The following TRERF1 variants were observed in gnomAD, a reference collection of about 807,000 sequenced individuals.
TRERF1 encodes the protein transcriptional regulating factor 1, also known as transcriptional-regulating factor 1.
Under a neutral mutation model 122.9 loss-of-function variants are expected in TRERF1, and 27 were observed. That is an observed-to-expected ratio of 0.22 (90% CI 0.16 to 0.30). The LOEUF (loss-of-function observed/expected upper bound fraction) is 0.30, where lower values mean the gene tolerates loss of function less well. TRERF1 is among the 10% of genes least tolerant of loss of function. TRERF1 has a pLI of 1.00. For missense variants in TRERF1, 1,248 were observed against 1,560.3 expected, an observed-to-expected ratio of 0.80 and a Z score of 3.37; for synonymous variants, 636 against 641.7, an observed-to-expected ratio of 0.99 and a Z score of 0.13.
intron 3 of TRERF1, among the ~76,000 whole-genome samples, chr6:42,318,413 T>C (rs974134822): frequency 2.6e-5 from 4 of 152,146 alleles, no homozygotes; most frequent in African/African-American, 9.7e-5. Flanking sequence ...TTCTTTCTTT[T>C]CTACAGTCTT....
chr6:42,432,249 C>T (rs536821846), intron 2 of TRERF1, among the ~76,000 whole-genome samples: 2 of 152,184 alleles, frequency 1.3e-5, no homozygotes, highest in Non-Finnish European at 2.9e-5. Flanking sequence ...AATAAAAATA[C>T]TTTTTAAAAA....
At chr6:42,265,927 C>A in intron 5 of TRERF1, 130 bp from the exon 6 acceptor site, 1 of 930,068 alleles carries the variant, frequency 1.1e-6, no homozygotes, top group East Asian at 2.7e-5. Context: ...TTCGTGCTGA[C>A]CCCATTCATG....
exon 7 of TRERF1, chr6:42,264,725 C>T (rs755833286): frequency 6.2e-7 from 1 of 1,613,924 alleles, no homozygotes; most frequent in Non-Finnish European, 8.5e-7. Context: ...TGGGGGAGGC[C>T]CTCATTCCCC....
intron 13 of TRERF1, among the ~76,000 whole-genome samples, chr6:42,249,004 T>C (rs572354040): frequency 6.6e-6 from 1 of 152,294 alleles, no homozygotes; most frequent in African/African-American, 2.4e-5. Context: ...TGGTTCCTTT[T>C]AGGTATCCAC....
chr6:42,381,485 C>T (rs55693116), intron 2 of TRERF1, among the ~76,000 whole-genome samples: 1 of 151,990 alleles, frequency 6.6e-6, no homozygotes, highest in Non-Finnish European at 1.5e-5. Flanking sequence ...CTAACGACTT[C>T]CTAGTAAGGC....
chr6:42,448,636 C>T (rs766617477), intron 2 of TRERF1, among the ~76,000 whole-genome samples: 17 of 152,262 alleles, frequency 1.1e-4, no homozygotes, highest in Admixed American at 2.0e-4. Flanking sequence ...ATTTCAGAGC[C>T]GGAAGGGAAC....
intron 2 of TRERF1, among the ~76,000 whole-genome samples, chr6:42,390,891 C>A (rs1226665503): frequency 6.6e-6 from 1 of 152,172 alleles, no homozygotes; most frequent in African/African-American, 2.4e-5. Context: ...GCCGGCTCTG[C>A]AGGTTACTAG....
At chr6:42,427,839 C>T (rs1299433305) in intron 2 of TRERF1, among the ~76,000 whole-genome samples, 1 of 152,086 alleles carries the variant, frequency 6.6e-6, no homozygotes, top group African/African-American at 2.4e-5. Context: ...CATGAGCCAC[C>T]ACACCCAGCA....
chr6:42,346,713 T>C (rs1331503006), intron 3 of TRERF1, among the ~76,000 whole-genome samples: 1 of 152,144 alleles, frequency 6.6e-6, no homozygotes, highest in African/African-American at 2.4e-5. Flanking sequence ...AACTCAGGAC[T>C]TTCATACTAA....
intron 2 of TRERF1, among the ~76,000 whole-genome samples, chr6:42,439,731 G>A (rs1786142374): frequency 6.6e-6 from 1 of 152,170 alleles, no homozygotes; most frequent in Non-Finnish European, 1.5e-5. Context: ...CTTGTTCTTG[G>A]ACCGCCTGGC....
chr6:42,282,916 G>A (rs1284797627), intron 4 of TRERF1, among the ~76,000 whole-genome samples: 1 of 152,118 alleles, frequency 6.6e-6, no homozygotes, highest in Non-Finnish European at 1.5e-5. Flanking sequence ...ATATGTGTCT[G>A]CTTAAAGGAT....
chr6:42,377,123 C>G (rs1775031143), intron 2 of TRERF1, among the ~76,000 whole-genome samples: 1 of 152,146 alleles, frequency 6.6e-6, no homozygotes, highest in Admixed American at 6.5e-5. Context: ...GTCTCGGCCT[C>G]CCAAAGTGCT....
chr6:42,261,044 C>G (rs916417989), intron 8 of TRERF1, among the ~76,000 whole-genome samples: 1 of 151,986 alleles, frequency 6.6e-6, no homozygotes, highest in Non-Finnish European at 1.5e-5. Context: ...CCCCTATCCC[C>G]GCGCCTCACC....
At chr6:42,390,218 T>C (rs1312495187) in intron 2 of TRERF1, among the ~76,000 whole-genome samples, 1 of 152,176 alleles carries the variant, frequency 6.6e-6, no homozygotes, top group Admixed American at 6.5e-5. Flanking sequence ...TTTAAATAAC[T>C]TTCCCAGCCT....
chr6:42,368,657 C>T lies in TRERF1; in HGVS notation c.-453-5578G>A, dbSNP rs1316009150. Among the ~76,000 whole-genome samples the T allele has an allele frequency of 2.0e-5, 3 of 152,256 alleles. No homozygotes were observed. In the East Asian group the frequency reaches 5.8e-4, roughly 29 times the overall value. On this transcript the variant is annotated intron_variant, in intron 2 of 17. Transcript: ENST00000372922. The stretch of plus-strand genomic sequence containing the variant: ...ACAAATAGAGATGGCCCCAGGACTC[C>T]AGGCAGTAGTTTTTTCAAAATGAGG...
intron 2 of TRERF1, among the ~76,000 whole-genome samples, chr6:42,396,132 T>G (rs1042363128): frequency 1.3e-5 from 2 of 152,124 alleles, no homozygotes; most frequent in African/African-American, 4.8e-5. Context: ...CTCTAAGGAC[T>G]CCATCAGAAT....
intron 2 of TRERF1, among the ~76,000 whole-genome samples, chr6:42,380,498 C>T (rs1164305452): frequency 6.6e-6 from 1 of 152,238 alleles, no homozygotes; most frequent in Non-Finnish European, 1.5e-5. Context: ...CTCTGGACCT[C>T]CATATTCTCC....
chr6:42,322,570 G>A (rs1287467606), intron 3 of TRERF1, among the ~76,000 whole-genome samples: 2 of 152,010 alleles, frequency 1.3e-5, no homozygotes, highest in Admixed American at 1.3e-4. Flanking sequence ...TTGACTCTCA[G>A]ATACTATAGA....
chr6:42,311,384 G>C (rs1302310241), intron 3 of TRERF1, among the ~76,000 whole-genome samples: 4 of 152,116 alleles, frequency 2.6e-5, no homozygotes, highest in Non-Finnish European at 4.4e-5. Context: ...CACAGCAGCT[G>C]TGTCCTTCCA....
Sources: allele counts gnomAD v4.1 joint callset (sites outside exome capture counted in the v4.1 genomes callset), GRCh38; gene constraint gnomAD v4.1.1; transcripts MANE v1.5; gene names NCBI Gene and HGNC (gene_info 2026-07-23, HGNC 2026-07-21).